The following GCLC variants were observed in gnomAD, a reference collection of about 807,000 sequenced individuals.
The protein encoded by GCLC is glutamate--cysteine ligase catalytic subunit.
Under a neutral mutation model 81.5 loss-of-function variants are expected in GCLC, and 30 were observed. The observed-to-expected ratio is 0.37, with a 90% CI of 0.28 to 0.50. GCLC has a LOEUF of 0.50. Ranked by LOEUF, GCLC falls within the 20% of genes least tolerant of loss-of-function variation. The probability of loss-of-function intolerance (pLI) is 0.96; values close to 1 mark genes in which losing one functional copy is unlikely to be tolerated. For missense variants in GCLC, 556 were observed against 777.4 expected, an observed-to-expected ratio of 0.72 and a Z score of 3.39; for synonymous variants, 262 against 273.3, an observed-to-expected ratio of 0.96 and a Z score of 0.41.
At chr6:53,536,228 A>T (rs1763254921) in intron 1 of GCLC, among the ~76,000 whole-genome samples, 1 of 152,264 alleles carries the variant, frequency 6.6e-6, no homozygotes, top group Admixed American at 6.5e-5. Flanking sequence ...TAGATATCAA[A>T]TGCAAACTAT....
intron 1 of GCLC, among the ~76,000 whole-genome samples, chr6:53,526,816 A>C (rs1386082797): frequency 2.0e-5 from 3 of 148,532 alleles, no homozygotes; most frequent in Non-Finnish European, 1.5e-5. Flanking sequence ...AAAAAAAAAA[A>C]ACAATTTGAG....
intron 1 of GCLC, among the ~76,000 whole-genome samples, chr6:53,536,189 T>C (rs1383319317): frequency 1.3e-5 from 2 of 152,224 alleles, no homozygotes; most frequent in African/African-American, 4.8e-5. Flanking sequence ...AAAGAGGATA[T>C]GCTGGATGAT....
rs560960984 is a variant in GCLC at position 53,514,327 on chromosome 6, G to A, written c.630C>T (p.Asp210=). 4 of 1,591,994 alleles carry A rather than the reference G, an allele frequency of 2.5e-6. No individual in the cohort carries two copies. The highest frequency in any genetic ancestry group is 2.6e-6 in the Non-Finnish European group (3 of 1,160,018). ...CTATAAATGGAGATGGTGTATTCTT[G>A]TCCTTAAATACTGTATTATAAAAAT... ...KVVINVPIFK[D]KNTPSPFIET... is the part of the protein sequence containing the mutation. Residue 210 remains aspartate (D), a synonymous_variant, in exon 6 of 16, where the codon GAC becomes GAT. Coordinates refer to ENST00000650454, the MANE Select transcript of GCLC (RefSeq NM_001498.4).
At chr6:53,520,656 TA>T in intron 3 of GCLC, 121 bp downstream of exon 3, 2 of 844,296 alleles carry the variant, frequency 2.4e-6, no homozygotes, top group Non-Finnish European at 4.1e-6. Flanking sequence ...GTGCAGTCTA[TA>T]AAAGATAAAC....
Position 53,506,399 on chromosome 6 carries a change from C to A in GCLC, c.1198-504G>T. 4.6e-6 allele frequency: 1 copy of A among 215,436 alleles called. No individual in the cohort carries two copies. The highest frequency in any genetic ancestry group is 9.3e-6 in the Non-Finnish European group (1 of 107,482). 13.3% of individuals were successfully genotyped at this position (215,436 alleles called of 1,614,324 possible). A position where few individuals can be genotyped will look rare whatever the true frequency, so the allele number is the denominator to read the frequency against. On this transcript the variant is annotated intron_variant, in intron 10 of 15. Transcript: ENST00000650454. The surrounding 1 kb of genome is among the most constrained non-coding windows in gnomAD (Gnocchi z 4.0). ...TTCTCCGTCCTGACCATCTTGGGACCCGATGGCAAGACTGGAAGGATTTAT... is the reference window on the plus strand; with the variant it reads ...TTCTCCGTCCTGACCATCTTGGGACACGATGGCAAGACTGGAAGGATTTAT...
In GCLC at chr6:53,516,364, T is replaced by G. The variant is rs1481695400; in HGVS notation, c.447-142A>C. The G allele has an allele frequency of 4.4e-6, 3 of 675,060 alleles. No individual in the cohort carries two copies. In the African/African-American group the frequency reaches 5.3e-5, roughly 12 times the overall value. The allele number at this position is 675,060 out of a possible 1,614,324, so 41.8% of individuals were successfully genotyped here. On this transcript the variant is annotated intron_variant, in intron 3 of 15. Transcript: ENST00000650454. ...GGGCTTTGTGTTTACAAAACAGATG[T>G]TGTGTAAATACTGTGCCCCTTTACA... is the stretch of plus-strand genomic sequence containing the variant.
rs1764684104 is a variant in GCLC, at chr6:53,509,160, G to A, written c.828+16C>T. 1 of 1,412,584 alleles carries A rather than the reference G, an allele frequency of 7.1e-7. No individual in the cohort carries two copies. The highest frequency in any genetic ancestry group is 1.0e-6 in the Non-Finnish European group (1 of 995,974). The allele number at this position is 1,412,584 out of a possible 1,614,324, so 87.5% of individuals were successfully genotyped here. On this transcript the variant is annotated intron_variant, in intron 7 of 15. Coordinates refer to ENST00000650454, the MANE Select transcript of GCLC (RefSeq NM_001498.4). ...ATACGAAGTAGTATTTAAAATAAGAGGTAATTTCTACTTACAACAATTGGA... is the reference window on the plus strand; with the variant it reads ...ATACGAAGTAGTATTTAAAATAAGAAGTAATTTCTACTTACAACAATTGGA...
chr6:53,522,701 C>G, intron 1 of GCLC, 174 bp from the exon 2 acceptor site: 1 of 557,278 alleles, frequency 1.8e-6, no homozygotes, highest in South Asian at 1.9e-5. Context: ...ATATGGAAAC[C>G]TGTAGAAAGG....
In GCLC at chr6:53,544,683, A is replaced by C; in HGVS notation, c.-38T>G. On this transcript the variant is annotated 5_prime_UTR_variant, in exon 1 of 16. Transcript: ENST00000650454. ...CTCCTCCTCCTCCTCCTCCGGGCTG[A>C]CGGCGGTCGCCCGCTCCGGGCGCGA... 7.6e-7 allele frequency: 1 copy of C among 1,316,546 alleles called. No homozygotes were observed. The highest frequency in any genetic ancestry group is 1.8e-5 in the African/African-American group (1 of 56,718). 81.6% of individuals were successfully genotyped at this position (1,316,546 alleles called of 1,614,324 possible).
chr6:53,515,017 C>G (rs1764838982), intron 4 of GCLC, among the ~76,000 whole-genome samples: 2 of 152,092 alleles, frequency 1.3e-5, no homozygotes, highest in Non-Finnish European at 2.9e-5. Flanking sequence ...ATGGCTTGTC[C>G]TAATGAAAAC....
chr6:53,507,556 T>C lies in GCLC; in HGVS notation c.1008A>G (p.Leu336=). ...CATTATATTTCTCACCACACTTAGA[T>C]AAATAGCTGTCTATTGAGTCATATC... ...KSRYDSIDSY[L]SKCGEKYNDI... is the part of the protein sequence containing the mutation. Residue 336 remains leucine (L), a synonymous_variant, in exon 9 of 16, where the codon TTA becomes TTG. Coordinates refer to ENST00000650454, the MANE Select transcript of GCLC (RefSeq NM_001498.4). The C allele has an allele frequency of 6.3e-7, 1 of 1,587,608 alleles. No individual in the cohort carries two copies. The highest frequency in any genetic ancestry group is 8.7e-7 in the Non-Finnish European group (1 of 1,156,056).
chr6:53,511,814 G>A (rs571784104), intron 6 of GCLC, among the ~76,000 whole-genome samples: 2 of 135,942 alleles, frequency 1.5e-5, no homozygotes, highest in South Asian at 5.0e-4. Context: ...GGGGGTGGAG[G>A]GAGGAACTAA....
intron 1 of GCLC, among the ~76,000 whole-genome samples, chr6:53,528,511 A>G (rs1763120666): frequency 6.6e-6 from 1 of 152,186 alleles, no homozygotes; most frequent in Non-Finnish European, 1.5e-5. Context: ...TACTGTAATA[A>G]TTAAATTGTT....
At chr6:53,527,094 C>T (rs1351745019) in intron 1 of GCLC, among the ~76,000 whole-genome samples, 2 of 152,160 alleles carry the variant, frequency 1.3e-5, no homozygotes, top group African/African-American at 4.8e-5. Flanking sequence ...CTGTGAGGTC[C>T]TACATTCCTC....
At chr6:53,542,720 C>T (rs530041244) in intron 1 of GCLC, among the ~76,000 whole-genome samples, 2 of 152,134 alleles carry the variant, frequency 1.3e-5, no homozygotes, top group Non-Finnish European at 1.5e-5. Flanking sequence ...AGTTAAATGT[C>T]AAAAGCAGCA....
At chr6:53,507,158 T>C in intron 9 of GCLC, 133 bp from the exon 10 acceptor site, 1 of 720,966 alleles carries the variant, frequency 1.4e-6, no homozygotes. Context: ...CTGGTTTGAT[T>C]AGTATCCTCA....
chr6:53,513,134 A>G (rs1054331808), intron 6 of GCLC: 1 of 152,242 alleles, frequency 6.6e-6, no homozygotes, highest in Non-Finnish European at 1.5e-5. Context: ...CCAGCATTCA[A>G]TTTGGATTAT....
At chr6:53,514,687 G>A (rs1764831375) in intron 4 of GCLC, among the ~76,000 whole-genome samples, 190 bp from the exon 5 acceptor site, 1 of 152,202 alleles carries the variant, frequency 6.6e-6, no homozygotes, top group Non-Finnish European at 1.5e-5. Flanking sequence ...TTTTGCATTA[G>A]TATCAATTCT....
At chr6:53,533,695 A>C (rs529450513) in intron 1 of GCLC, among the ~76,000 whole-genome samples, 1 of 152,282 alleles carries the variant, frequency 6.6e-6, no homozygotes, top group African/African-American at 2.4e-5. Context: ...GAATCTATAT[A>C]TATAAACATG....
Sources: gnomAD v4.1 joint callset for allele counts (sites outside exome capture counted in the v4.1 genomes callset) on GRCh38, gnomAD v4.1.1 for gene constraint, Gnocchi (gnomAD v3.1) non-coding constraint, MANE v1.5 for transcripts, NCBI Gene and HGNC (gene_info 2026-07-23, HGNC 2026-07-21) for gene names.